SNTG2: variants seen among roughly 807,000 people sequenced by gnomAD.
SNTG2 encodes the protein syntrophin gamma 2.
SNTG2 carries 74 observed loss-of-function variants against 70.9 expected under a neutral mutation model. The observed-to-expected ratio is 1.04, with a 90% CI of 0.86 to 1.27. SNTG2 has a LOEUF of 1.27. Among genes scored for constraint, SNTG2 ranks in the 50% most tolerant of loss-of-function variants. The pLI is 0.00. For synonymous variants in SNTG2, 278 were observed against 273.8 expected, an observed-to-expected ratio of 1.02 and a Z score of -0.15; for missense variants, 717 against 690.7, an observed-to-expected ratio of 1.04 and a Z score of -0.43.
chr2:1,311,295 T>C (rs944078674), intron 15 of SNTG2, among the ~76,000 whole-genome samples: 1 of 152,244 alleles, frequency 6.6e-6, no homozygotes, highest in African/African-American at 2.4e-5. Flanking sequence ...CACATTTTTC[T>C]CGTGATTATT....
At chr2:1,331,671 C>T (rs549789256) in intron 16 of SNTG2, among the ~76,000 whole-genome samples, 145 of 152,306 alleles carry the variant, frequency 9.5e-4, no homozygotes, top group African/African-American at 3.4e-3. Flanking sequence ...CTCAGCATTG[C>T]ACTTGCAGGC....
chr2:1,259,589 T>C, intron 13 of SNTG2, 148 bp downstream of exon 13: 1 of 669,072 alleles, frequency 1.5e-6, no homozygotes, highest in Non-Finnish European at 2.6e-6. Flanking sequence ...CCCATTCTCC[T>C]GCCCTACCTG....
intron 1 of SNTG2, among the ~76,000 whole-genome samples, chr2:986,296 A>G (rs1403257020): frequency 6.6e-6 from 1 of 152,174 alleles, no homozygotes. Flanking sequence ...CACACGCTCT[A>G]CCAGGGTTGT....
At chr2:1,221,142 G>T (rs1674733263) in intron 9 of SNTG2, among the ~76,000 whole-genome samples, 1 of 152,194 alleles carries the variant, frequency 6.6e-6, no homozygotes, top group Non-Finnish European at 1.5e-5. Flanking sequence ...TCTAGGCTCC[G>T]TTACGCTTTC....
chr2:1,130,079 C>T (rs1259807732), intron 4 of SNTG2, among the ~76,000 whole-genome samples: 1 of 152,112 alleles, frequency 6.6e-6, no homozygotes, highest in African/African-American at 2.4e-5. Flanking sequence ...ACTTAAAAGC[C>T]ATATGTGCCT....
chr2:969,594 G>A (rs1376568008), intron 1 of SNTG2, among the ~76,000 whole-genome samples: 1 of 152,080 alleles, frequency 6.6e-6, no homozygotes, highest in Non-Finnish European at 1.5e-5. Context: ...GCTTAGCTGT[G>A]CTTCTAGATA....
chr2:1,157,315 C>T (rs964105040), intron 6 of SNTG2, among the ~76,000 whole-genome samples: 3 of 152,204 alleles, frequency 2.0e-5, no homozygotes, highest in Non-Finnish European at 4.4e-5. Flanking sequence ...AGAGGTGCAG[C>T]TGAAGTGCAC....
At chr2:1,135,191 A>C (rs953049065) in intron 4 of SNTG2, among the ~76,000 whole-genome samples, 1 of 152,166 alleles carries the variant, frequency 6.6e-6, no homozygotes, top group African/African-American at 2.4e-5. Context: ...TCCATTCTGA[A>C]AACTCTAGAT....
rs190809794 is a variant in SNTG2, at chr2:1,024,612, C to T, written c.73-58906C>T. Among the ~76,000 whole-genome samples, 624 of 152,266 alleles carry T rather than the reference C, an allele frequency of 4.1e-3. 1 individual carries two copies. Among genetic ancestry groups the T allele is most frequent in the Middle Eastern group, 6.8e-3 (2 of 294 alleles). On this transcript the variant is annotated intron_variant, in intron 1 of 16. Transcript: ENST00000308624. Reference sequence around the variant, plus strand: ...CTGTTCTTCAACTCCTGGGCTCAAGCGATTCTCCCACCTCACCCTCCAAAA... The same window carrying T: ...CTGTTCTTCAACTCCTGGGCTCAAGTGATTCTCCCACCTCACCCTCCAAAA...
intron 4 of SNTG2, chr2:1,102,401 C>G (rs1665835742): frequency 6.6e-6 from 1 of 152,270 alleles, no homozygotes; most frequent in Non-Finnish European, 1.5e-5. Context: ...CCCTGCCCTT[C>G]TGGGATTTTG....
intron 9 of SNTG2, among the ~76,000 whole-genome samples, chr2:1,218,208 C>A (rs975284817): frequency 1.3e-5 from 2 of 152,112 alleles, no homozygotes; most frequent in Non-Finnish European, 2.9e-5. Context: ...TAGACCCAGA[C>A]GTAAAGGGCC....
intron 8 of SNTG2, among the ~76,000 whole-genome samples, chr2:1,187,559 ATC>A (rs1042594677): frequency 2.6e-4 from 39 of 152,270 alleles, no homozygotes; most frequent in African/African-American, 8.9e-4. Context: ...AAATAAATTT[ATC>A]TCTCTACACA....
chr2:1,100,885 T>G (rs1475921481), intron 4 of SNTG2, among the ~76,000 whole-genome samples: 1 of 152,142 alleles, frequency 6.6e-6, no homozygotes, highest in Non-Finnish European at 1.5e-5. Context: ...CCATTTTACC[T>G]GTAGGGGAGA....
At chr2:1,207,503 C>A (rs946335185) in intron 8 of SNTG2, among the ~76,000 whole-genome samples, 1 of 152,192 alleles carries the variant, frequency 6.6e-6, no homozygotes, top group Non-Finnish European at 1.5e-5. Flanking sequence ...GTGTCCATTC[C>A]CCCATCCCAC....
At chr2:1,037,844 G>T (rs10779977) in intron 1 of SNTG2, among the ~76,000 whole-genome samples, 57,835 of 151,960 alleles carry the variant, frequency 0.38, 11,327 homozygotes, top group South Asian at 0.44. Context: ...CCACTCATGA[G>T]GGATGGACTT....
chr2:1,278,867 A>G (rs1679379559), intron 14 of SNTG2, among the ~76,000 whole-genome samples: 2 of 152,198 alleles, frequency 1.3e-5, no homozygotes, highest in African/African-American at 4.8e-5. Context: ...TAAATTGCAC[A>G]TCATTCTGAG....
intron 16 of SNTG2, among the ~76,000 whole-genome samples, chr2:1,321,446 G>T (rs1484842298): frequency 6.6e-6 from 1 of 152,186 alleles, no homozygotes; most frequent in Non-Finnish European, 1.5e-5. Context: ...GGAAGATTGG[G>T]CGTGGGCACC....
intron 6 of SNTG2, among the ~76,000 whole-genome samples, chr2:1,150,315 G>C (rs1669394877): frequency 6.6e-6 from 1 of 152,158 alleles, no homozygotes; most frequent in African/African-American, 2.4e-5. Context: ...GTATCTATTG[G>C]GGATCGAAAA....
intron 3 of SNTG2, 29 bp from the exon 4 acceptor site, chr2:1,098,324 C>G: frequency 6.2e-7 from 1 of 1,613,770 alleles, no homozygotes; most frequent in South Asian, 1.1e-5. Flanking sequence ...ATGATAACCA[C>G]GTTTCTTTCT....
Sources: allele counts gnomAD v4.1 joint callset (sites outside exome capture counted in the v4.1 genomes callset), GRCh38; gene constraint gnomAD v4.1.1; transcripts MANE v1.5; gene names NCBI Gene and HGNC (gene_info 2026-07-23, HGNC 2026-07-21).